Variants in ZNF713 observed in about 807,000 individuals in gnomAD.
ZNF713 encodes zinc finger protein 713.
A neutral mutation model predicts 28.7 loss-of-function variants in ZNF713; 21 were observed. The observed-to-expected ratio is 0.73, with a 90% CI of 0.52 to 1.05. The LOEUF (loss-of-function observed/expected upper bound fraction) is 1.05, where lower values mean the gene tolerates loss of function less well. Ranked by LOEUF, ZNF713 falls within the 50% of genes least tolerant of loss-of-function variation. The pLI, the probability that ZNF713 is intolerant of heterozygous loss-of-function variation, is 0.00. For synonymous variants in ZNF713, 167 were observed against 178.0 expected (o/e 0.94, Z 0.49); for missense variants, 458 against 532.4 (o/e 0.86, Z 1.37).
At chr7:55,904,761 C>T (rs1490245713) in intron 1 of ZNF713, among the ~76,000 whole-genome samples, 2 of 152,146 alleles carry the variant, frequency 1.3e-5, no homozygotes, top group Non-Finnish European at 2.9e-5. Context: ...CGGTCTCACT[C>T]TGTCACCCAG....
intron 4 of ZNF713, among the ~76,000 whole-genome samples, chr7:55,921,228 A>G (rs1368232635): frequency 1.3e-5 from 2 of 152,190 alleles, no homozygotes; most frequent in African/African-American, 4.8e-5. Context: ...CTCATTGACA[A>G]TGCACCTGGT....
chr7:55,939,157 G>C lies in ZNF713; in HGVS notation c.483G>C (p.Lys161Asn), dbSNP rs777052862. The C allele has an allele frequency of 1.2e-6, 2 of 1,613,932 alleles. No individual in the cohort carries two copies. Among genetic ancestry groups the C allele is most frequent in the Non-Finnish European group, 1.7e-6 (2 of 1,180,000 alleles). ...CAGAGTTTAACCAAGAAAACCACAA[G>C]AGATATTTAGGACAAGTAACTTTGA... ...YHPEFNQENH[K>N]RYLGQVTLTH... The change falls in exon 7 of 7, where the codon AAG becomes AAC. Residue 161 changes from lysine (K) to asparagine (N), a missense_variant. Coordinates refer to ENST00000429591, the MANE Select transcript of ZNF713 (RefSeq NM_182633.3).
intron 2 of ZNF713, among the ~76,000 whole-genome samples, chr7:55,906,692 G>A (rs1192594198): frequency 6.6e-6 from 1 of 152,038 alleles, no homozygotes. Flanking sequence ...TTATTTTTGG[G>A]AATTGGGGCT....
Position 55,923,705 on chromosome 7 carries a change from T to G in ZNF713, c.307+6T>G, listed in dbSNP as rs1786042035. On this transcript the variant is annotated splice_donor_region_variant and intron_variant, in intron 6 of 6. Transcript: ENST00000429591. ...CCTGCTGGATACTCATCCAGGTAAG[T>G]GCACACTCTTGGGCACTGCTACTTA... The G allele has an allele frequency of 6.2e-7, 1 of 1,608,402 alleles. No individual in the cohort carries two copies.
intron 1 of ZNF713, among the ~76,000 whole-genome samples, chr7:55,899,859 A>G (rs888385019): frequency 6.6e-6 from 1 of 151,814 alleles, no homozygotes; most frequent in Non-Finnish European, 1.5e-5. Flanking sequence ...CTTGTGCCTC[A>G]GCCTCTTGAG....
intron 6 of ZNF713, among the ~76,000 whole-genome samples, chr7:55,929,190 TA>T (rs1786162707): frequency 6.6e-6 from 1 of 152,036 alleles, no homozygotes; most frequent in Non-Finnish European, 1.5e-5. Context: ...TAAGCTTATC[TA>T]AAGTTCATAT....
At chr7:55,893,305 T>G (rs1785421851) in intron 1 of ZNF713, among the ~76,000 whole-genome samples, 2 of 152,294 alleles carry the variant, frequency 1.3e-5, no homozygotes, top group South Asian at 2.1e-4. Flanking sequence ...TAAATATGAT[T>G]GGACAAAAAG....
chr7:55,930,928 G>A (rs1468768114), intron 6 of ZNF713, among the ~76,000 whole-genome samples: 1 of 152,066 alleles, frequency 6.6e-6, no homozygotes, highest in Admixed American at 6.6e-5. Context: ...GTAAATTATT[G>A]TTAACCACCA....
chr7:55,935,090 C>G (rs977880427), intron 6 of ZNF713, among the ~76,000 whole-genome samples: 1 of 151,610 alleles, frequency 6.6e-6, no homozygotes, highest in Non-Finnish European at 1.5e-5. Context: ...GGGGTTTCAC[C>G]GTGTTGGCCA....
chr7:55,924,089 GCTTT>G (rs1013030962), intron 6 of ZNF713: 2 of 153,612 alleles, frequency 1.3e-5, no homozygotes, highest in African/African-American at 4.8e-5. Flanking sequence ...TTTTTAAAAA[GCTTT>G]CTTTTCCATA....
intron 6 of ZNF713, among the ~76,000 whole-genome samples, chr7:55,930,374 CACAA>C (rs1328312894): frequency 6.6e-6 from 1 of 152,150 alleles, no homozygotes; most frequent in Non-Finnish European, 1.5e-5. Flanking sequence ...TGGAAGTCAG[CACAA>C]AGATGTCCTA....
intron 5 of ZNF713, 158 bp downstream of exon 5, chr7:55,923,446 C>A: frequency 8.8e-7 from 1 of 1,138,502 alleles, no homozygotes; most frequent in Non-Finnish European, 1.2e-6. Flanking sequence ...GCTCTTTCTC[C>A]TCCAATGGAA....
intron 1 of ZNF713, among the ~76,000 whole-genome samples, chr7:55,894,749 A>G (rs1280046190): frequency 1.3e-5 from 2 of 152,250 alleles, no homozygotes; most frequent in East Asian, 3.8e-4. Flanking sequence ...CTAAAGGTCT[A>G]TTAATAATGA....
intron 1 of ZNF713, among the ~76,000 whole-genome samples, chr7:55,888,104 A>G (rs1785312025): frequency 1.3e-5 from 2 of 152,112 alleles, no homozygotes; most frequent in Admixed American, 1.3e-4. Context: ...GCAAGCGTCC[A>G]TAGGTGTCAT....
At chr7:55,917,234 CAAAA>C (rs1785899114) in intron 4 of ZNF713, among the ~76,000 whole-genome samples, 2 of 133,508 alleles carry the variant, frequency 1.5e-5, no homozygotes, top group African/African-American at 5.4e-5. Flanking sequence ...AACAAACAAA[CAAAA>C]AACACCAAAA....
chr7:55,887,576 G>A lies in ZNF713; in HGVS notation c.-687G>A, dbSNP rs1285540476. On this transcript the variant is annotated 5_prime_UTR_variant, in exon 1 of 7. Coordinates refer to ENST00000429591, the MANE Select transcript of ZNF713 (RefSeq NM_182633.3). ...ATTGGCTCAGGCTGCGGGGCCCTCG[G>A]CACCTTCTCCCTCCCGGGTCCACCG... The A allele has an allele frequency of 5.3e-6, 1 of 189,332 alleles. No homozygotes were observed. The highest frequency in any genetic ancestry group is 1.0e-5 in the Non-Finnish European group (1 of 96,498). 11.7% of individuals were successfully genotyped at this position (189,332 alleles called of 1,614,324 possible).
At chr7:55,920,496 C>T (rs1785973863) in intron 4 of ZNF713, among the ~76,000 whole-genome samples, 1 of 152,162 alleles carries the variant, frequency 6.6e-6, no homozygotes, top group Admixed American at 6.5e-5. Flanking sequence ...AGAGCAAGGC[C>T]CTACCTACCT....
At position 55,912,673 on chromosome 7, in the gene ZNF713, A is replaced by AGAAGAAATG; in HGVS notation, c.37_38insGAAGAAATG (p.Asn13delinsArgArgAsnAsp). On this transcript the variant is annotated protein_altering_variant, in exon 4 of 7. Transcript: ENST00000429591. The stretch of plus-strand genomic sequence containing the variant: ...GAATGCTGTTTTTTCTCAGGAGGGG[A>AGAAGAAATG]ACATGGAGGAGGAAGAAATGAATGA... 6.2e-7 allele frequency: 1 copy of AGAAGAAATG among 1,613,482 alleles called. No individual in the cohort carries two copies. Among genetic ancestry groups the AGAAGAAATG allele is most frequent in the Non-Finnish European group, 8.5e-7 (1 of 1,179,850 alleles).
In ZNF713 at chr7:55,939,354, G is replaced by A. The variant is rs1332695027; in HGVS notation, c.680G>A (p.Gly227Glu). 3 of 1,614,004 alleles carry A rather than the reference G, an allele frequency of 1.9e-6. No homozygotes were observed. In the East Asian group the frequency reaches 6.7e-5, roughly 36 times the overall value. ...KHNSDLIYYQ[G>E]NYVRETPYEY... ...AATTCAGACTTGATTTACTATCAGGGAAATTATGTAAGAGAGACTCCCTAT... is the reference window on the plus strand; with the variant it reads ...AATTCAGACTTGATTTACTATCAGGAAAATTATGTAAGAGAGACTCCCTAT... Residue 227 changes from glycine (G) to glutamate (E), a missense_variant, in exon 7 of 7, where the codon GGA becomes GAA. Coordinates refer to ENST00000429591, the MANE Select transcript of ZNF713 (RefSeq NM_182633.3).
Sources: allele counts gnomAD v4.1 joint callset (sites outside exome capture counted in the v4.1 genomes callset), GRCh38; gene constraint gnomAD v4.1.1; transcripts MANE v1.5; gene names NCBI Gene and HGNC (gene_info 2026-07-23, HGNC 2026-07-21).